The following PLEKHA1 variants were observed in gnomAD, a reference collection of about 807,000 sequenced individuals.
PLEKHA1 encodes pleckstrin homology domain-containing family A member 1.
In PLEKHA1, 34 loss-of-function variants were observed where a neutral mutation model predicts 52.0. That is an observed-to-expected ratio of 0.65 (90% CI 0.50 to 0.87). The LOEUF (loss-of-function observed/expected upper bound fraction) is 0.87, where lower values mean the gene tolerates loss of function less well. Ranked by LOEUF, PLEKHA1 falls within the 40% of genes least tolerant of loss-of-function variation. PLEKHA1 has a pLI of 0.00. For synonymous variants in PLEKHA1, 163 were observed against 170.7 expected (o/e 0.95, Z 0.35); for missense variants, 497 against 504.2 (o/e 0.99, Z 0.14).
At chr10:122,413,543 G>A (rs2097134867) in intron 6 of PLEKHA1, among the ~76,000 whole-genome samples, 1 of 152,084 alleles carries the variant, frequency 6.6e-6, no homozygotes, top group African/African-American at 2.4e-5. Flanking sequence ...GAGTTTGCAA[G>A]TAGTAATTTT....
At chr10:122,442,311 A>T in the PLEKHA1 span, 1 of 152,090 alleles carries the variant, frequency 6.6e-6, no homozygotes, top group Non-Finnish European at 1.5e-5. Context: ...TCAAGACAAG[A>T]ATCTTTGTTT....
the PLEKHA1 span, chr10:122,437,716 A>G: frequency 6.6e-6 from 1 of 152,282 alleles, no homozygotes; most frequent in Non-Finnish European, 1.5e-5. Flanking sequence ...CTTAGAAGCC[A>G]AGTGAAGAAA....
At chr10:122,398,227 A>G (rs1466377402) in intron 3 of PLEKHA1, among the ~76,000 whole-genome samples, 2 of 152,186 alleles carry the variant, frequency 1.3e-5, no homozygotes, top group Non-Finnish European at 2.9e-5. Context: ...GTATATGAAC[A>G]TCAGAAAGGG....
rs1047496866 is a variant in PLEKHA1, at chr10:122,413,060, C to G, written c.468+15C>G. The G allele has an allele frequency of 1.2e-6, 2 of 1,606,796 alleles. No homozygotes were observed. Among genetic ancestry groups the G allele is most frequent in the East Asian group, 4.5e-5 (2 of 44,800 alleles). ...CTCCCACTCAGGTAATTAAGTAACT[C>G]TTCTATTGTGTGAGGGTCTAATTAT... On this transcript the variant is annotated intron_variant, in intron 6 of 11. Coordinates refer to ENST00000368990, the MANE Select transcript of PLEKHA1 (RefSeq NM_001001974.4).
intron 8 of PLEKHA1, 188 bp from the exon 9 acceptor site, chr10:122,424,011 A>G (rs955946207): frequency 2.5e-5 from 18 of 718,982 alleles, no homozygotes; most frequent in Admixed American, 1.3e-4. Flanking sequence ...ACAACAGTGT[A>G]TATAAGGTTA....
At position 122,388,910 on chromosome 10, in the gene PLEKHA1, G is replaced by T. The variant is rs546762662; in HGVS notation, c.-20-4271G>T. Among the ~76,000 whole-genome samples the T allele has an allele frequency of 5.4e-5, 8 of 147,856 alleles. No homozygotes were observed. In the East Asian group the frequency reaches 1.6e-3, roughly 29 times the overall value. On this transcript the variant is annotated intron_variant, in intron 1 of 11. Coordinates refer to ENST00000368990, the MANE Select transcript of PLEKHA1 (RefSeq NM_001001974.4). ...TTTAGCATGAGATTATAGTAATTTA[G>T]TCACATTTTCAGGCCCTTCTAATTC... is the stretch of plus-strand genomic sequence containing the variant.
At chr10:122,418,702 T>C (rs1033934766) in intron 8 of PLEKHA1, 4 of 152,198 alleles carry the variant, frequency 2.6e-5, no homozygotes, top group Non-Finnish European at 5.9e-5. Flanking sequence ...CCTCTTCGCC[T>C]TGTTTGAGTT....
chr10:122,405,230 C>G (rs1317151024), intron 4 of PLEKHA1, among the ~76,000 whole-genome samples: 1 of 151,854 alleles, frequency 6.6e-6, no homozygotes, highest in East Asian at 1.9e-4. Flanking sequence ...TTCATAAGGT[C>G]TAGAAAAATA....
chr10:122,425,125 T>C (rs1021404692), intron 10 of PLEKHA1, 166 bp downstream of exon 10: 5 of 462,456 alleles, frequency 1.1e-5, no homozygotes, highest in East Asian at 1.0e-4. Flanking sequence ...ATTGGTGGGG[T>C]TATATGTTCA....
At chr10:122,416,136 G>A in intron 7 of PLEKHA1, 134 bp downstream of exon 7, 1 of 1,010,516 alleles carries the variant, frequency 9.9e-7, no homozygotes, top group Non-Finnish European at 1.4e-6. Context: ...GGAGAGTCAG[G>A]AGATAAAATA....
chr10:122,412,979 T>C lies in PLEKHA1; in HGVS notation c.402T>C (p.Cys134=), dbSNP rs767196705. ...NSDNLSRHGE[C]GKKQVSYRTD... ...ATAACCTAAGTCGCCATGGTGAATG[T>C]GGGAAAAAGCAAGTGTCTTACAGAA... The change falls in exon 6 of 12, where the codon TGT becomes TGC. Residue 134 remains cysteine, a synonymous_variant. Transcript: ENST00000368990. 2.4e-5 allele frequency: 39 copies of C among 1,613,424 alleles called. No individual in the cohort carries two copies. Among genetic ancestry groups the C allele is most frequent in the Non-Finnish European group, 3.3e-5 (39 of 1,179,634 alleles).
intron 11 of PLEKHA1, among the ~76,000 whole-genome samples, chr10:122,428,796 T>A (rs1166409443): frequency 6.6e-6 from 1 of 152,196 alleles, no homozygotes; most frequent in Non-Finnish European, 1.5e-5. Flanking sequence ...TTTTGGTAAT[T>A]TGTAGCACTT....
intron 2 of PLEKHA1, among the ~76,000 whole-genome samples, chr10:122,395,804 C>T (rs936943886): frequency 6.6e-6 from 1 of 152,020 alleles, no homozygotes; most frequent in African/African-American, 2.4e-5. Flanking sequence ...CACTTTGGGG[C>T]TTCCTGTGTT....
intron 5 of PLEKHA1, 21 bp downstream of exon 5, chr10:122,406,694 GA>G: frequency 6.6e-7 from 1 of 1,517,618 alleles, no homozygotes; most frequent in Non-Finnish European, 9.1e-7. Context: ...GTATTTTTTT[GA>G]AAAACGTTCG....
At chr10:122,413,481 A>G (rs188795140) in intron 6 of PLEKHA1, among the ~76,000 whole-genome samples, 9 of 152,268 alleles carry the variant, frequency 5.9e-5, no homozygotes, top group Admixed American at 5.9e-4. Flanking sequence ...AAACAATGCT[A>G]TGATGAATAT....
chr10:122,416,719 G>C (rs2097181084), intron 7 of PLEKHA1, among the ~76,000 whole-genome samples: 1 of 152,080 alleles, frequency 6.6e-6, no homozygotes, highest in African/African-American at 2.4e-5. Flanking sequence ...TTCTTTCTAT[G>C]TGAACTAAAT....
chr10:122,408,187 A>G (rs2097052006), intron 5 of PLEKHA1, among the ~76,000 whole-genome samples: 2 of 152,204 alleles, frequency 1.3e-5, no homozygotes, highest in Non-Finnish European at 2.9e-5. Flanking sequence ...TCGTAACTGT[A>G]CTAAATTCAT....
downstream of PLEKHA1, chr10:122,433,911 G>A (rs936117659): frequency 6.6e-6 from 1 of 152,096 alleles, no homozygotes; most frequent in African/African-American, 2.4e-5. Flanking sequence ...TCTAGGTTTA[G>A]CAAATGAAGC....
At position 122,431,485 on chromosome 10, in the gene PLEKHA1, ATGC is replaced by A. The variant is rs2097416674; in HGVS notation, c.*1552_*1554del. The A allele has an allele frequency of 2.6e-5, 4 of 152,600 alleles. No individual in the cohort carries two copies. The highest frequency in any genetic ancestry group is 4.4e-5 in the Non-Finnish European group (3 of 68,030). 9.5% of individuals were successfully genotyped at this position (152,600 alleles called of 1,614,324 possible). On this transcript the variant is annotated 3_prime_UTR_variant, in exon 12 of 12. Coordinates refer to ENST00000368990, the MANE Select transcript of PLEKHA1 (RefSeq NM_001001974.4). ...TTAAGAAAACAGTCTTGAATTTCAC[ATGC>A]TGCTATTTTTATATTTTGCCATTTT... is the stretch of plus-strand genomic sequence containing the variant.
Sources: gnomAD v4.1 joint callset for allele counts (sites outside exome capture counted in the v4.1 genomes callset) on GRCh38, gnomAD v4.1.1 for gene constraint, MANE v1.5 for transcripts, NCBI Gene and HGNC (gene_info 2026-07-23, HGNC 2026-07-21) for gene names.